The following PIGN variants were observed in gnomAD, a reference collection of about 807,000 sequenced individuals.
The protein encoded by PIGN is GPI ethanolamine phosphate transferase 1.
A neutral mutation model predicts 125.4 loss-of-function variants in PIGN; 117 were observed. That is an observed-to-expected ratio of 0.93 (90% confidence interval 0.80 to 1.09). The LOEUF is 1.09. Ranked by LOEUF, PIGN falls within the 50% of genes least tolerant of loss-of-function variation. PIGN has a pLI of 0.00. For missense variants in PIGN, 1,075 were observed against 1,094.9 expected, an observed-to-expected ratio of 0.98 and a Z score of 0.26; for synonymous variants, 392 against 377.8, an observed-to-expected ratio of 1.04 and a Z score of -0.44.
intron 14 of PIGN, among the ~76,000 whole-genome samples, chr18:62,123,019 C>CA (rs1448362343): frequency 6.6e-6 from 1 of 152,066 alleles, no homozygotes; most frequent in Non-Finnish European, 1.5e-5. Flanking sequence ...GTGACTCAGG[C>CA]ACTTAGTACT....
intron 20 of PIGN, among the ~76,000 whole-genome samples, chr18:62,103,354 C>A (rs1332457145): frequency 1.3e-5 from 2 of 151,858 alleles, no homozygotes; most frequent in Non-Finnish European, 2.9e-5. Context: ...CATATATAAC[C>A]CACATTATTT....
intron 28 of PIGN, among the ~76,000 whole-genome samples, chr18:62,078,480 C>T (rs1384222575): frequency 1.3e-5 from 2 of 152,202 alleles, no homozygotes; most frequent in African/African-American, 4.8e-5. Context: ...CGCACACTGC[C>T]TCCCTATGGC....
chr18:62,145,848 T>C, intron 10 of PIGN, 61 bp downstream of exon 10: 5 of 830,650 alleles, frequency 6.0e-6, no homozygotes, highest in Non-Finnish European at 9.9e-6. Flanking sequence ...TTCTTAAAAA[T>C]TTAAACTTTG....
intron 30 of PIGN, chr18:62,069,460 T>A (rs1198821484): frequency 6.6e-6 from 1 of 152,178 alleles, no homozygotes; most frequent in East Asian, 1.9e-4. Context: ...GATGAACAGG[T>A]GAACAATATG....
intron 21 of PIGN, 33 bp from the exon 22 acceptor site, chr18:62,101,216 A>G: frequency 7.9e-7 from 1 of 1,263,550 alleles, no homozygotes; most frequent in Non-Finnish European, 1.1e-6. Flanking sequence ...TTAAAAAAAG[A>G]GAAGGTAGTG....
intron 30 of PIGN, among the ~76,000 whole-genome samples, chr18:62,071,902 AT>A (rs2032892873): frequency 8.8e-6 from 1 of 113,848 alleles, no homozygotes; most frequent in East Asian, 2.6e-4. Context: ...ATATATATAT[AT>A]ATATATAAAT....
At chr18:62,118,044 G>A (rs903178742) in intron 14 of PIGN, among the ~76,000 whole-genome samples, 1 of 151,972 alleles carries the variant, frequency 6.6e-6, no homozygotes, top group African/African-American at 2.4e-5. Flanking sequence ...ATAAACATAG[G>A]AGTGCAGATT....
At chr18:62,071,968 G>A (rs1003944273) in intron 30 of PIGN, among the ~76,000 whole-genome samples, 2 of 141,554 alleles carry the variant, frequency 1.4e-5, no homozygotes, top group African/African-American at 5.2e-5. Context: ...AGAAAGCACT[G>A]TTGTCATAGA....
Position 62,119,396 on chromosome 18 carries a change from G to A in PIGN, c.1173-4757C>T, listed in dbSNP as rs533645303. On this transcript the variant is annotated intron_variant, in intron 14 of 30. Coordinates refer to ENST00000640252, the MANE Select transcript of PIGN (RefSeq NM_176787.5). ...ATATGTCAAGAAGACAAGACAGAAA[G>A]TTGTAACAAAGAACAGAATCTATTT... 3.9e-5 allele frequency among the ~76,000 whole-genome samples: 6 copies of A among 152,242 alleles called. No homozygotes were observed. The East Asian group carries it at 1.2e-3, about 29-fold the overall frequency.
intron 30 of PIGN, among the ~76,000 whole-genome samples, chr18:62,058,312 A>G (rs1417720295): frequency 6.6e-6 from 1 of 152,216 alleles, no homozygotes; most frequent in Non-Finnish European, 1.5e-5. Flanking sequence ...AGTTGACAAT[A>G]TTGACTGACT....
chr18:62,103,943 G>A (rs2034542851), intron 20 of PIGN: 1 of 152,134 alleles, frequency 6.6e-6, no homozygotes, highest in South Asian at 2.1e-4. Context: ...TGGCAAATAT[G>A]TTTTTACTTT....
At chr18:62,072,749 AT>A in intron 29 of PIGN, 24 bp from the exon 30 acceptor site, 2 of 1,523,770 alleles carry the variant, frequency 1.3e-6, no homozygotes, top group Non-Finnish European at 1.8e-6. Context: ...AAAAGGCTTA[AT>A]GAAAAACAAA....
chr18:62,047,263 T>G (rs925968299), intron 30 of PIGN, among the ~76,000 whole-genome samples: 4 of 152,186 alleles, frequency 2.6e-5, no homozygotes, highest in African/African-American at 9.7e-5. Flanking sequence ...TCCCCTCCAC[T>G]GTCATGGTGT....
At chr18:62,105,521 T>C in intron 20 of PIGN, 22 bp downstream of exon 20, 1 of 1,354,256 alleles carries the variant, frequency 7.4e-7, no homozygotes, top group Non-Finnish European at 1.0e-6. Flanking sequence ...GAAAATAGAA[T>C]AAAATACAAT....
At chr18:62,158,684 A>G (rs2036829816) in intron 4 of PIGN, among the ~76,000 whole-genome samples, 2 of 152,334 alleles carry the variant, frequency 1.3e-5, no homozygotes, top group South Asian at 4.1e-4. Context: ...AATACATTCT[A>G]AAGAAAAATA....
At chr18:62,143,981 A>G in intron 10 of PIGN, among the ~76,000 whole-genome samples, 1 of 152,202 alleles carries the variant, frequency 6.6e-6, no homozygotes, top group East Asian at 1.9e-4. Context: ...ATACACTGCC[A>G]AAAGAGTTAT....
chr18:62,132,177 C>T (rs955633546), intron 14 of PIGN, among the ~76,000 whole-genome samples: 14 of 152,002 alleles, frequency 9.2e-5, no homozygotes, highest in African/African-American at 3.1e-4. Flanking sequence ...GACATGCTGA[C>T]ATTATGTGCA....
intron 1 of PIGN, among the ~76,000 whole-genome samples, chr18:62,169,792 A>T (rs1209063392): frequency 6.6e-6 from 1 of 151,444 alleles, no homozygotes; most frequent in Non-Finnish European, 1.5e-5. Context: ...GCTAAGTTTT[A>T]AATTTTTCGT....
At chr18:62,156,584 G>C (rs2036743530) in intron 6 of PIGN, among the ~76,000 whole-genome samples, 3 of 152,144 alleles carry the variant, frequency 2.0e-5, no homozygotes, top group Admixed American at 2.0e-4. Context: ...ACCTGCCTCA[G>C]CCTCCCAAAA....
Sources: gnomAD v4.1 joint callset for allele counts (sites outside exome capture counted in the v4.1 genomes callset) on GRCh38, gnomAD v4.1.1 for gene constraint, MANE v1.5 for transcripts, NCBI Gene and HGNC (gene_info 2026-07-23, HGNC 2026-07-21) for gene names.